Variants in TMC5 observed in about 807,000 individuals in gnomAD.
TMC5 encodes transmembrane channel like 5, also known as transmembrane channel-like protein 5.
In TMC5, 86 loss-of-function variants were observed where a neutral mutation model predicts 110.5. That is an observed-to-expected ratio of 0.78 (90% CI 0.65 to 0.93). TMC5 has a LOEUF of 0.93. Among genes scored for constraint, TMC5 ranks in the 40% least tolerant of loss-of-function variants. The probability of loss-of-function intolerance (pLI) is 0.00; values close to 1 mark genes in which losing one functional copy is unlikely to be tolerated. For missense variants in TMC5, 1,144 were observed against 1,222.8 expected, an observed-to-expected ratio of 0.94 and a Z score of 0.96; for synonymous variants, 455 against 439.5, an observed-to-expected ratio of 1.04 and a Z score of -0.44.
intron 19 of TMC5, among the ~76,000 whole-genome samples, chr16:19,493,465 C>CTTTCT (rs1555486909): frequency 0.01 from 767 of 74,816 alleles, 9 homozygotes; most frequent in African/African-American, 0.024. Flanking sequence ...CTCTCTCTCT[C>CTTTCT]TTTTTTTTTT....
chr16:19,477,293 A>T (rs1597208199), intron 12 of TMC5, 147 bp from the exon 13 acceptor site: 2 of 641,844 alleles, frequency 3.1e-6, no homozygotes, highest in Middle Eastern at 4.2e-4. Flanking sequence ...TCTGTTCACA[A>T]TTCATTCACT....
intron 1 of TMC5, among the ~76,000 whole-genome samples, chr16:19,429,807 T>A (rs956952307): frequency 2.0e-5 from 3 of 152,180 alleles, no homozygotes; most frequent in African/African-American, 4.8e-5. Context: ...GTGATCCACC[T>A]GCCTCGGCCT....
intron 4 of TMC5, among the ~76,000 whole-genome samples, chr16:19,445,402 C>T (rs1446089680): frequency 6.6e-6 from 1 of 151,926 alleles, no homozygotes; most frequent in Non-Finnish European, 1.5e-5. Context: ...GCCACCATGC[C>T]TGGCACTTTT....
At position 19,433,578 on chromosome 16, in the gene TMC5, C is replaced by T. The variant is rs549627596; in HGVS notation, c.-80+2938C>T. Reference sequence around the variant, plus strand: ...GTTATTCGATCCCTTTGAAAGAGTTCTCATGATAAATTATTTTCAGAAATT... The same window carrying T: ...GTTATTCGATCCCTTTGAAAGAGTTTTCATGATAAATTATTTTCAGAAATT... On this transcript the variant is annotated intron_variant, in intron 2 of 21. Transcript: ENST00000542583. Among the ~76,000 whole-genome samples the T allele has an allele frequency of 2.1e-3, 327 of 152,256 alleles. 2 individuals carry two copies. The highest frequency in any genetic ancestry group is 7.6e-3 in the African/African-American group (316 of 41,554).
chr16:19,466,074 C>A lies in TMC5; in HGVS notation c.1486-8C>A. ...TCCACCTGACCTATGGTTTATTGTA[C>A]CTTTCAGGGTTATTTTAGGGACACA... On this transcript the variant is annotated splice_polypyrimidine_tract_variant and splice_region_variant and intron_variant, in intron 8 of 21. Transcript: ENST00000542583. 1.2e-6 allele frequency: 2 copies of A among 1,613,130 alleles called. No homozygotes were observed. Among genetic ancestry groups the A allele is most frequent in the Middle Eastern group, 1.7e-4 (1 of 6,056 alleles).
chr16:19,424,262 C>T (rs1031118462), intron 1 of TMC5, among the ~76,000 whole-genome samples: 1 of 152,202 alleles, frequency 6.6e-6, no homozygotes, highest in African/African-American at 2.4e-5. Context: ...TCACACAACT[C>T]AGGGAAATCT....
upstream of TMC5, among the ~76,000 whole-genome samples, chr16:19,415,064 C>G (rs1366930257): frequency 6.6e-6 from 1 of 152,150 alleles, no homozygotes; most frequent in African/African-American, 2.4e-5. Context: ...AAAGTATCTC[C>G]CTCCATATCT....
rs1326502300 is a variant in TMC5 at position 19,436,263 on chromosome 16, G to A, written c.-79-3697G>A. On this transcript the variant is annotated intron_variant, in intron 2 of 21. Transcript: ENST00000542583. ...AGCCTGGGTGAAAGAGCAAAAGTTC[G>A]TCTCAAAAAGAAAAAAAAAAAGAAA... is the stretch of plus-strand genomic sequence containing the variant. Among the ~76,000 whole-genome samples the A allele has an allele frequency of 6.9e-4, 4 of 5,760 alleles. No individual in the cohort carries two copies. The East Asian group carries it at 0.014, about 20-fold the overall frequency. 3.8% of individuals were successfully genotyped at this position (5,760 alleles called of 152,430 possible).
At chr16:19,469,460 C>G (rs574993559) in intron 9 of TMC5, among the ~76,000 whole-genome samples, 1 of 152,148 alleles carries the variant, frequency 6.6e-6, no homozygotes, top group South Asian at 2.1e-4. Context: ...CAAAAATCCC[C>G]CAGTTGGCAG....
At chr16:19,441,834 G>A (rs532004951) in intron 3 of TMC5, among the ~76,000 whole-genome samples, 1 of 149,088 alleles carries the variant, frequency 6.7e-6, no homozygotes, top group African/African-American at 2.5e-5. Context: ...ATGGAGTTTC[G>A]CTCTTGTTGC....
At chr16:19,433,783 G>A (rs1435915119) in intron 2 of TMC5, among the ~76,000 whole-genome samples, 1 of 151,400 alleles carries the variant, frequency 6.6e-6, no homozygotes, top group Admixed American at 6.6e-5. Context: ...TTGCAGGATT[G>A]CTCCTTCCTC....
rs748346473 is a variant in TMC5 at position 19,494,295 on chromosome 16, T to C, written c.2860T>C (p.Leu954=). Residue 954 remains leucine, a synonymous_variant, in exon 20 of 22, where the codon TTG becomes CTG. Transcript: ENST00000542583. The part of the protein sequence containing the change: ...GKDKMFLIEK[L]IKLQDMEKKA... Reference sequence around the variant, plus strand: ...AGATAAAATGTTCCTGATAGAAAAATTGATCAAGCTGCAGGATATGGAGAA... The same window carrying C: ...AGATAAAATGTTCCTGATAGAAAAACTGATCAAGCTGCAGGATATGGAGAA... The C allele has an allele frequency of 9.3e-6, 15 of 1,613,190 alleles. No individual in the cohort carries two copies. The highest frequency in any genetic ancestry group is 3.3e-5 in the South Asian group (3 of 90,928).
chr16:19,473,936 C>T (rs1044713518), intron 11 of TMC5, among the ~76,000 whole-genome samples, 189 bp from the exon 12 acceptor site: 2 of 151,864 alleles, frequency 1.3e-5, no homozygotes, highest in African/African-American at 4.8e-5. Flanking sequence ...GCTGAGATCG[C>T]GCCACTGCAG....
intron 11 of TMC5, among the ~76,000 whole-genome samples, chr16:19,473,895 A>G (rs7191783): frequency 0.27 from 41,507 of 152,018 alleles, 8,322 homozygotes; most frequent in African/African-American, 0.56. Flanking sequence ...CAGGAGAACC[A>G]CTTGAACCGA....
intron 4 of TMC5, 30 bp from the exon 5 acceptor site, chr16:19,449,512 T>A: frequency 6.3e-7 from 1 of 1,579,278 alleles, no homozygotes; most frequent in South Asian, 1.1e-5. Context: ...GTGAGACTAA[T>A]CGGCAATATC....
At chr16:19,450,265 C>T (rs756893721) in intron 5 of TMC5, among the ~76,000 whole-genome samples, 5 of 152,174 alleles carry the variant, frequency 3.3e-5, no homozygotes, top group Admixed American at 6.5e-5. Flanking sequence ...TTCATTGGCT[C>T]ATGTGGTAGA....
chr16:19,466,542 G>C (rs1385153255), intron 9 of TMC5, among the ~76,000 whole-genome samples: 1 of 152,104 alleles, frequency 6.6e-6, no homozygotes, highest in African/African-American at 2.4e-5. Context: ...AATAGAGATG[G>C]GGTTTGACCA....
chr16:19,494,390 G>A, intron 20 of TMC5, 24 bp downstream of exon 20: 4 of 1,567,350 alleles, frequency 2.6e-6, no homozygotes, highest in Non-Finnish European at 3.5e-6. Flanking sequence ...CTGCCTTGGG[G>A]ACCCCTGGGA....
In TMC5 at chr16:19,428,255, G is replaced by A. The variant is rs939029517; in HGVS notation, c.-307-2158G>A. 4.6e-5 allele frequency among the ~76,000 whole-genome samples: 7 copies of A among 151,074 alleles called. No individual in the cohort carries two copies. The South Asian group carries it at 6.3e-4, about 14-fold the overall frequency. On this transcript the variant is annotated intron_variant, in intron 1 of 21. Coordinates refer to ENST00000542583, the MANE Select transcript of TMC5 (RefSeq NM_001261841.2). ...ACTTGTGAAGATTAATTGGTGACTT[G>A]TGAAGATTAATTGGTGACATTTGCC... is the stretch of plus-strand genomic sequence containing the variant.
Sources: gnomAD v4.1 joint callset for allele counts (sites outside exome capture counted in the v4.1 genomes callset) on GRCh38, gnomAD v4.1.1 for gene constraint, MANE v1.5 for transcripts, NCBI Gene and HGNC (gene_info 2026-07-23, HGNC 2026-07-21) for gene names.